DOCK9: variants seen among roughly 807,000 people sequenced by gnomAD.
DOCK9 encodes dedicator of cytokinesis 9, also known as dedicator of cytokinesis protein 9.
A neutral mutation model predicts 263.3 loss-of-function variants in DOCK9; 89 were observed. That is an observed-to-expected ratio of 0.34 (90% CI 0.28 to 0.40). The LOEUF is 0.40. DOCK9 is among the 10% of genes least tolerant of loss of function. The pLI is 1.00. For synonymous variants in DOCK9, 976 were observed against 973.1 expected (o/e 1.00, Z -0.06); for missense variants, 2,140 against 2,603.4 (o/e 0.82, Z 3.87).
intron 35 of DOCK9, among the ~76,000 whole-genome samples, chr13:98,853,147 A>G (rs1323849130): frequency 1.3e-5 from 2 of 152,234 alleles, no homozygotes; most frequent in East Asian, 3.8e-4. Context: ...ATATAAATTT[A>G]AGAAATAGGC....
At chr13:98,868,735 C>T (rs536171482) in intron 27 of DOCK9, among the ~76,000 whole-genome samples, 44 of 152,212 alleles carry the variant, frequency 2.9e-4, no homozygotes, top group African/African-American at 1.1e-3. Context: ...GCCAGGGTGA[C>T]AAAGCAAGGC....
At chr13:98,954,713 C>T (rs1226558152) in intron 2 of DOCK9, among the ~76,000 whole-genome samples, 2 of 152,158 alleles carry the variant, frequency 1.3e-5, no homozygotes, top group Non-Finnish European at 2.9e-5. Context: ...AAAGGCATGA[C>T]GAAATCTCCC....
At chr13:98,984,563 T>C (rs981548699) in intron 1 of DOCK9, among the ~76,000 whole-genome samples, 7 of 152,200 alleles carry the variant, frequency 4.6e-5, no homozygotes, top group African/African-American at 1.7e-4. Context: ...CTCTGGTACA[T>C]GGTACTATTA....
At chr13:98,817,451 C>CTTTTTTTTTTTTTTTTTTTTTTTTTTTT (rs10683281) in intron 45 of DOCK9, among the ~76,000 whole-genome samples, 2 of 97,632 alleles carry the variant, frequency 2.0e-5, no homozygotes, top group Non-Finnish European at 3.7e-5. Context: ...ATACACCCAG[C>CTTTTTTTTTTTTTTTTTTTTTTTTTTTT]TTTTTTTTTT....
At chr13:98,881,385 G>A (rs1231625435) in intron 25 of DOCK9, among the ~76,000 whole-genome samples, 173 bp downstream of exon 25, 3 of 152,234 alleles carry the variant, frequency 2.0e-5, no homozygotes, top group Non-Finnish European at 2.9e-5. Flanking sequence ...GTGAATGGCT[G>A]TCCCTCTTCG....
At chr13:98,798,175 C>A (rs2089666066) in intron 50 of DOCK9, among the ~76,000 whole-genome samples, 1 of 152,180 alleles carries the variant, frequency 6.6e-6, no homozygotes, top group African/African-American at 2.4e-5. Context: ...GCTGGACACA[C>A]TGGGATGGGA....
chr13:98,866,238 TC>T (rs2094019345), intron 30 of DOCK9, among the ~76,000 whole-genome samples: 1 of 152,160 alleles, frequency 6.6e-6, no homozygotes, highest in Admixed American at 6.5e-5. Flanking sequence ...GGGATTGTCA[TC>T]CAGGTGTATG....
intron 1 of DOCK9, among the ~76,000 whole-genome samples, chr13:99,010,378 A>T (rs1463308354): frequency 6.6e-6 from 1 of 152,218 alleles, no homozygotes; most frequent in Non-Finnish European, 1.5e-5. Context: ...TTGAATTGAC[A>T]ATGTGTTTTG....
Position 98,902,164 on chromosome 13 carries a change from TATTA to T in DOCK9, c.1380+120_1380+123del. 3 of 1,072,394 alleles carry T rather than the reference TATTA, an allele frequency of 2.8e-6. No individual in the cohort carries two copies. The South Asian group carries it at 5.0e-5, about 18-fold the overall frequency. The allele number at this position is 1,072,394 out of a possible 1,614,324, so 66.4% of individuals were successfully genotyped here. A position where few individuals can be genotyped will look rare whatever the true frequency, so the allele number is the denominator to read the frequency against. On this transcript the variant is annotated intron_variant, in intron 12 of 52. Transcript: ENST00000682017. ...GCTTTTACTGTCTAATAATAAATAC[TATTA>T]ATTAAGAGTCTAATGACCCCACTTG... is the stretch of plus-strand genomic sequence containing the variant.
At position 98,930,203 on chromosome 13, in the gene DOCK9, C is replaced by T; in HGVS notation, c.298G>A (p.Ala100Thr). 1 of 1,612,118 alleles carries T rather than the reference C, an allele frequency of 6.2e-7. No individual in the cohort carries two copies. Among genetic ancestry groups the T allele is most frequent in the Non-Finnish European group, 8.5e-7 (1 of 1,179,136 alleles). Residue 100 changes from alanine (A) to threonine (T), a missense_variant, in exon 3 of 53, where the codon GCG (alanine) becomes ACG (threonine). By Grantham distance (58) the Ala-to-Thr change is moderately conservative. This residue lies in a region of DOCK9 where 1,521 missense variants were observed against 1,741.7 expected (regional missense o/e 0.87). Transcript: ENST00000682017. ...AACAAGCTCTGTGCTTCCTCTTCCGCCTTCGCAGGCACTGTTGAGCATATG... is the reference window on the plus strand; with the variant it reads ...AACAAGCTCTGTGCTTCCTCTTCCGTCTTCGCAGGCACTGTTGAGCATATG... ...RYICSTVPAK[A>T]EEEAQSLFVT...
intron 49 of DOCK9, among the ~76,000 whole-genome samples, chr13:98,803,141 A>G (rs1202157776): frequency 2.0e-5 from 3 of 152,134 alleles, no homozygotes; most frequent in Non-Finnish European, 2.9e-5. Context: ...TGTGGACGGC[A>G]ATCCCCAAGC....
chr13:98,927,410 A>G (rs947559753), intron 3 of DOCK9, among the ~76,000 whole-genome samples: 2 of 152,128 alleles, frequency 1.3e-5, no homozygotes, highest in African/African-American at 4.8e-5. Flanking sequence ...ACTATGTACG[A>G]CGTGGTCTTG....
At chr13:98,927,380 C>G (rs1566988138) in intron 3 of DOCK9, among the ~76,000 whole-genome samples, 1 of 152,116 alleles carries the variant, frequency 6.6e-6, no homozygotes, top group African/African-American at 2.4e-5. Context: ...TCCACTGGCA[C>G]AGCTAAGTAG....
chr13:98,813,207 A>C lies in DOCK9; in HGVS notation c.5131-2916T>G, dbSNP rs184024341. Among the ~76,000 whole-genome samples, 219 of 152,242 alleles carry C rather than the reference A, an allele frequency of 1.4e-3. 3 individuals carry two copies. The highest frequency in any genetic ancestry group is 0.014 in the Admixed American group (212 of 15,296). On this transcript the variant is annotated intron_variant, in intron 45 of 52. Transcript: ENST00000682017. The stretch of plus-strand genomic sequence containing the variant: ...GTCTTATGTGAATATGGAAAGATTT[A>C]TTTCTTTTTCTTGCCTTACTACACT...
At chr13:98,832,437 G>A (rs1351279400) in intron 39 of DOCK9, among the ~76,000 whole-genome samples, 1 of 152,094 alleles carries the variant, frequency 6.6e-6, no homozygotes, top group Non-Finnish European at 1.5e-5. Context: ...ACCATCTGAC[G>A]CATACTTTGG....
chr13:99,075,744 T>TGTA (rs2041885138), intron 1 of DOCK9, among the ~76,000 whole-genome samples: 2 of 152,192 alleles, frequency 1.3e-5, no homozygotes, highest in Middle Eastern at 3.4e-3. Context: ...CCTAACTGTA[T>TGTA]GACTGAACAT....
chr13:99,043,392 C>T (rs887492899), intron 1 of DOCK9, among the ~76,000 whole-genome samples: 1 of 152,096 alleles, frequency 6.6e-6, no homozygotes, highest in African/African-American at 2.4e-5. Flanking sequence ...GGGAATCCAC[C>T]CATCCCGGAG....
intron 1 of DOCK9, among the ~76,000 whole-genome samples, chr13:98,962,430 T>C (rs1315325248): frequency 6.6e-6 from 1 of 152,226 alleles, no homozygotes; most frequent in East Asian, 1.9e-4. Flanking sequence ...AAAACCTGAC[T>C]CTGCCCTGAT....
intron 2 of DOCK9, among the ~76,000 whole-genome samples, chr13:98,951,117 A>G (rs1240453420): frequency 4.6e-5 from 7 of 152,246 alleles, no homozygotes; most frequent in Admixed American, 1.3e-4. Flanking sequence ...TGCTCATGGA[A>G]AAAGTAAGTT....
Sources: allele counts gnomAD v4.1 joint callset (sites outside exome capture counted in the v4.1 genomes callset), GRCh38; gene constraint gnomAD v4.1.1; regional missense constraint gnomAD v4.1.1; transcripts MANE v1.5; gene names NCBI Gene and HGNC (gene_info 2026-07-23, HGNC 2026-07-21).